The following CDC42BPB variants were observed in gnomAD, a reference collection of about 807,000 sequenced individuals.
CDC42BPB encodes serine/threonine-protein kinase MRCK beta.
Under a neutral mutation model 214.9 loss-of-function variants are expected in CDC42BPB, and 37 were observed. The ratio of observed to expected loss-of-function variants is 0.17; its 90% CI spans 0.13 to 0.23. CDC42BPB has a LOEUF of 0.23. CDC42BPB is among the 10% of genes least tolerant of loss of function. The pLI is 1.00. For missense variants in CDC42BPB, 1,694 were observed against 2,227.0 expected (o/e 0.76, Z 4.82); for synonymous variants, 931 against 884.0 (o/e 1.05, Z -0.94).
At chr14:103,017,189 G>C (rs150190294) in intron 1 of CDC42BPB, among the ~76,000 whole-genome samples, 1 of 151,982 alleles carries the variant, frequency 6.6e-6, no homozygotes, top group African/African-American at 2.4e-5. Context: ...AGGGTGTAGC[G>C]GCACACACCT....
chr14:103,040,338 G>C (rs946407079), intron 1 of CDC42BPB, among the ~76,000 whole-genome samples: 16 of 151,892 alleles, frequency 1.1e-4, no homozygotes, highest in African/African-American at 3.9e-4. Context: ...CTGGGCGACA[G>C]AGCAAGACTC....
At position 102,988,119 on chromosome 14, in the gene CDC42BPB, C is replaced by T. The variant is rs117896216; in HGVS notation, c.597-1539G>A. ...GAAATGAAATTATAAGAGGACCAAACAAGAACAAATTGAAACAAAAATCTA... is the reference window on the plus strand; with the variant it reads ...GAAATGAAATTATAAGAGGACCAAATAAGAACAAATTGAAACAAAAATCTA... On this transcript the variant is annotated intron_variant, in intron 5 of 36. Transcript: ENST00000361246. Among the ~76,000 whole-genome samples the T allele has an allele frequency of 5.7e-3, 860 of 151,916 alleles. 4 individuals carry two copies. Among genetic ancestry groups the T allele is most frequent in the Non-Finnish European group, 8.4e-3 (567 of 67,904 alleles).
chr14:103,011,336 G>A (rs932098751), intron 2 of CDC42BPB, among the ~76,000 whole-genome samples: 2 of 152,248 alleles, frequency 1.3e-5, no homozygotes, highest in Admixed American at 6.5e-5. Flanking sequence ...TGTGTCAACA[G>A]CAAGCAAGTA....
At chr14:103,012,599 G>A in intron 1 of CDC42BPB, among the ~76,000 whole-genome samples, 1 of 152,188 alleles carries the variant, frequency 6.6e-6, no homozygotes, top group East Asian at 1.9e-4. Context: ...GAGGTCAAGA[G>A]TTCGAAACCA....
At chr14:102,971,841 C>G (rs1319387946) in intron 13 of CDC42BPB, 78 bp downstream of exon 13, 1 of 1,476,088 alleles carries the variant, frequency 6.8e-7, no homozygotes, top group Non-Finnish European at 9.2e-7. Flanking sequence ...AGTAATGCAG[C>G]CCAAGATTTC....
intron 2 of CDC42BPB, 50 bp from the exon 3 acceptor site, chr14:103,008,605 C>T (rs570102179): frequency 1.3e-6 from 2 of 1,591,454 alleles, no homozygotes; most frequent in South Asian, 2.2e-5. Context: ...GAACAAAAGG[C>T]TAGCACGCTG....
rs984369161 is a variant in CDC42BPB at position 103,004,808 on chromosome 14, G to A, written c.352-785C>T. ...TGCTTGAGCCCAGGAAGCGGAGGTT[G>A]CGGTGAGCCAAAATTGCATCACCGT... On this transcript the variant is annotated intron_variant, in intron 3 of 36. Transcript: ENST00000361246. The surrounding 1 kb of genome is among the most constrained non-coding windows in gnomAD (Gnocchi z 5.3). Among the ~76,000 whole-genome samples, 6 of 151,978 alleles carry A rather than the reference G, an allele frequency of 3.9e-5. No individual in the cohort carries two copies. Among genetic ancestry groups the A allele is most frequent in the Admixed American group, 2.0e-4 (3 of 15,250 alleles).
At position 102,944,179 on chromosome 14, in the gene CDC42BPB, C is replaced by T. The variant is rs767538657; in HGVS notation, c.4120G>A (p.Gly1374Ser). ...HRKFNEIVAP[G>S]SVQCLAVLRD... is the part of the protein sequence containing the mutation. The stretch of plus-strand genomic sequence containing the variant: ...AGCACCGCCAGGCACTGCACGCTGC[C>T]GGGAGCCACAATCTCATTGAACTTT... The change falls in exon 30 of 37, where the codon GGC becomes AGC. Residue 1374 changes from glycine to serine, a missense_variant. Gly to Ser is a moderately conservative substitution (Grantham distance 56). Transcript: ENST00000361246. The surrounding 1 kb of genome is among the most constrained non-coding windows in gnomAD (Gnocchi z 6.6). The T allele has an allele frequency of 8.1e-6, 13 of 1,613,246 alleles. No individual in the cohort carries two copies. The highest frequency in any genetic ancestry group is 5.0e-5 in the Admixed American group (3 of 60,018).
intron 4 of CDC42BPB, among the ~76,000 whole-genome samples, chr14:103,000,713 A>C (rs1383912688): frequency 1.3e-5 from 2 of 152,204 alleles, no homozygotes; most frequent in Non-Finnish European, 2.9e-5. Context: ...GGGACCCTGT[A>C]ATATTTATGG....
intron 2 of CDC42BPB, 119 bp from the exon 3 acceptor site, chr14:103,008,674 A>G: frequency 6.8e-7 from 1 of 1,475,200 alleles, no homozygotes; most frequent in Non-Finnish European, 9.0e-7. Flanking sequence ...GCAGTGACCG[A>G]AAGCCAAGTT....
intron 1 of CDC42BPB, among the ~76,000 whole-genome samples, chr14:103,049,859 G>A (rs146831717): frequency 1.0e-3 from 157 of 152,184 alleles, no homozygotes; most frequent in African/African-American, 3.5e-3. Context: ...GATTACAGGC[G>A]TGCGCCACCA....
In CDC42BPB at chr14:102,946,662, G is replaced by T. The variant is rs1259349822; in HGVS notation, c.3554C>A (p.Ala1185Glu). The stretch of plus-strand genomic sequence containing the variant: ...GAGCAGCGAGCTGGTCTTAGAAGGT[G>T]CACCTAAGAGAGAGGCCGTCACCTT... ...IFRVTASLLG[A>E]PSKTSSLLIL... Residue 1185 changes from alanine (A) to glutamate (E), a missense_variant, in exon 28 of 37, where the codon GCA becomes GAA. Ala to Glu is a moderately radical substitution (Grantham distance 107). Transcript: ENST00000361246. The T allele has an allele frequency of 3.7e-6, 6 of 1,612,662 alleles. No individual in the cohort carries two copies. Among genetic ancestry groups the T allele is most frequent in the African/African-American group, 1.3e-5 (1 of 75,046 alleles).
intron 36 of CDC42BPB, among the ~76,000 whole-genome samples, chr14:102,934,690 C>T (rs960698422): frequency 6.6e-6 from 1 of 152,024 alleles, no homozygotes; most frequent in African/African-American, 2.4e-5. Context: ...TAACCATACC[C>T]AATGGTGAGA....
intron 1 of CDC42BPB, among the ~76,000 whole-genome samples, chr14:103,021,176 T>C (rs1886749901): frequency 6.6e-6 from 1 of 152,196 alleles, no homozygotes; most frequent in East Asian, 1.9e-4. Flanking sequence ...AACACGTGGA[T>C]GTGGCCGCGT....
intron 34 of CDC42BPB, 97 bp from the exon 35 acceptor site, chr14:102,938,508 C>T: frequency 6.8e-7 from 1 of 1,462,468 alleles, no homozygotes; most frequent in Non-Finnish European, 9.0e-7. Context: ...GCCTCGTGAC[C>T]TTGATGAGCA....
chr14:102,980,291 G>A (rs1480495005), intron 8 of CDC42BPB, among the ~76,000 whole-genome samples: 1 of 152,188 alleles, frequency 6.6e-6, no homozygotes, highest in East Asian at 1.9e-4. Context: ...TCAGGAGATC[G>A]AGACTATCCT....
Position 103,004,128 on chromosome 14 carries a change from G to A in CDC42BPB, c.352-105C>T. 7.1e-7 allele frequency: 1 copy of A among 1,417,940 alleles called. No homozygotes were observed. The highest frequency in any genetic ancestry group is 9.3e-7 in the Non-Finnish European group (1 of 1,080,468). 87.8% of individuals were successfully genotyped at this position (1,417,940 alleles called of 1,614,324 possible). On this transcript the variant is annotated intron_variant, in intron 3 of 36. Transcript: ENST00000361246. This position sits in a 1 kb window ranked among gnomAD's most constrained non-coding sequence, Gnocchi z 5.3. ...CTGGGACAGTGGCTCCAGCCACGGT[G>A]TCCCTGCCTTCCGGGCTCCTCCTCG... is the stretch of plus-strand genomic sequence containing the variant.
In CDC42BPB at chr14:103,001,789, C is replaced by G. The variant is rs894020239; in HGVS notation, c.448-2076G>C. ...GGGCCCCTAAGGAAGGCCGTGGGGT[C>G]GAGTCAAGCCCTTACTAGCTGAGCC... On this transcript the variant is annotated intron_variant, in intron 4 of 36. Coordinates refer to ENST00000361246, the MANE Select transcript of CDC42BPB (RefSeq NM_006035.4). This position sits in a 1 kb window ranked among gnomAD's most constrained non-coding sequence, Gnocchi z 5.8. Among the ~76,000 whole-genome samples the G allele has an allele frequency of 6.6e-6, 1 of 152,130 alleles. No homozygotes were observed. Among genetic ancestry groups the G allele is most frequent in the Non-Finnish European group, 1.5e-5 (1 of 68,014 alleles).
chr14:102,980,818 A>C lies in CDC42BPB; in HGVS notation c.1095T>G (p.Ser365=). ...CATCCACGTCGAAGTTGGATGTGTC[A>C]GAGGGACTGCTCACATCAGGAATAT... ...APYIPDVSSP[S]DTSNFDVDDD... is the part of the protein sequence containing the mutation. Residue 365 remains serine, a synonymous_variant, in exon 8 of 37, where the codon TCT becomes TCG. Transcript: ENST00000361246. 6.2e-7 allele frequency: 1 copy of C among 1,614,208 alleles called. No individual in the cohort carries two copies. Among genetic ancestry groups the C allele is most frequent in the Non-Finnish European group, 8.5e-7 (1 of 1,180,018 alleles).
Sources: gnomAD v4.1 joint callset for allele counts (sites outside exome capture counted in the v4.1 genomes callset) on GRCh38, gnomAD v4.1.1 for gene constraint, Gnocchi (gnomAD v3.1) non-coding constraint, MANE v1.5 for transcripts, NCBI Gene and HGNC (gene_info 2026-07-23, HGNC 2026-07-21) for gene names.